Variants in TNFSF4 observed in about 807,000 individuals in gnomAD.
TNFSF4 encodes the protein TNF superfamily member 4.
In TNFSF4, 4 loss-of-function variants were observed where a neutral mutation model predicts 7.3. The observed-to-expected ratio is 0.55, with a 90% CI of 0.27 to 1.25. The LOEUF is 1.25. Ranked by LOEUF, TNFSF4 falls within the 50% of genes most tolerant of loss-of-function variation. TNFSF4 has a pLI of 0.12. For missense variants in TNFSF4, 181 were observed against 208.8 expected (o/e 0.87, Z 0.82); for synonymous variants, 76 against 83.7 (o/e 0.91, Z 0.50).
the TNFSF4 span, among the ~76,000 whole-genome samples, chr1:173,231,984 G>GT: frequency 6.6e-6 from 1 of 152,150 alleles, no homozygotes; most frequent in Non-Finnish European, 1.5e-5. Context: ...CTTTAAAGTA[G>GT]TTTTTTCCAA....
intron 1 of TNFSF4, chr1:173,205,511 C>T (rs1650148733): frequency 2.8e-6 from 4 of 1,403,512 alleles, no homozygotes; most frequent in Non-Finnish European, 1.9e-6. Flanking sequence ...TGCTCAGAGC[C>T]GTTGTGCAAT....
the TNFSF4 span, among the ~76,000 whole-genome samples, chr1:173,449,974 A>G: frequency 1.2e-4 from 18 of 152,188 alleles, no homozygotes; most frequent in African/African-American, 3.6e-4. Flanking sequence ...AACAATAGAG[A>G]AAATTAATGA....
At chr1:173,398,981 G>A in the TNFSF4 span, among the ~76,000 whole-genome samples, 59 of 152,056 alleles carry the variant, frequency 3.9e-4, no homozygotes, top group Non-Finnish European at 7.5e-4. Context: ...GAAAGCTCTC[G>A]GCCTCCTACT....
chr1:173,378,660 G>C, the TNFSF4 span, among the ~76,000 whole-genome samples: 2 of 152,122 alleles, frequency 1.3e-5, no homozygotes, highest in African/African-American at 4.8e-5. Context: ...AAAGCAAATG[G>C]AGTGAAATAG....
the TNFSF4 span, among the ~76,000 whole-genome samples, chr1:173,347,930 T>C: frequency 6.6e-6 from 1 of 152,198 alleles, no homozygotes; most frequent in African/African-American, 2.4e-5. Context: ...CTCCAGATAT[T>C]GCCAAATGTT....
the TNFSF4 span, among the ~76,000 whole-genome samples, chr1:173,252,756 A>G: frequency 6.6e-6 from 1 of 152,336 alleles, no homozygotes; most frequent in African/African-American, 2.4e-5. Context: ...CAGGAGTGAG[A>G]GCAAGAGAAA....
chr1:173,346,162 C>A, the TNFSF4 span, among the ~76,000 whole-genome samples: 1 of 152,132 alleles, frequency 6.6e-6, no homozygotes, highest in South Asian at 2.1e-4. Context: ...TTCGCTCATC[C>A]CCACCCTCAA....
At chr1:173,210,952 G>A (rs1028689766), upstream of TNFSF4, among the ~76,000 whole-genome samples, 1 of 152,186 alleles carries the variant, frequency 6.6e-6, no homozygotes, top group Non-Finnish European at 1.5e-5. Context: ...CCTGAACAAA[G>A]GGCTGTACTC....
At chr1:173,228,071 A>G in the TNFSF4 span, among the ~76,000 whole-genome samples, 1 of 152,030 alleles carries the variant, frequency 6.6e-6, no homozygotes. Flanking sequence ...CCCTGTTTGA[A>G]GAGGAGTAGT....
the TNFSF4 span, among the ~76,000 whole-genome samples, chr1:173,325,316 C>A: frequency 2.6e-5 from 4 of 152,034 alleles, no homozygotes; most frequent in East Asian, 1.9e-4. Flanking sequence ...TTGAAACCAA[C>A]GAGAACAAAG....
At chr1:173,225,079 A>G in the TNFSF4 span, among the ~76,000 whole-genome samples, 4 of 152,262 alleles carry the variant, frequency 2.6e-5, no homozygotes, top group African/African-American at 9.6e-5. Context: ...ACTTTAACCA[A>G]CTTTCAGAAC....
the TNFSF4 span, among the ~76,000 whole-genome samples, chr1:173,368,406 C>T: frequency 6.6e-6 from 1 of 152,126 alleles, no homozygotes; most frequent in Non-Finnish European, 1.5e-5. Context: ...TGGGCTCCTC[C>T]GGAATATTGC....
chr1:173,243,006 G>GT, the TNFSF4 span, among the ~76,000 whole-genome samples: 17 of 42,380 alleles, frequency 4.0e-4, 3 homozygotes, highest in South Asian at 1.8e-3. Flanking sequence ...TTGGTGGGTG[G>GT]GGGGGGGGGG....
At chr1:173,261,341 A>G in the TNFSF4 span, among the ~76,000 whole-genome samples, 1 of 152,220 alleles carries the variant, frequency 6.6e-6, no homozygotes, top group Admixed American at 6.5e-5. Flanking sequence ...TTAACAGGGA[A>G]ATTTATAGCA....
chr1:173,251,423 A>T, the TNFSF4 span, among the ~76,000 whole-genome samples: 1 of 152,338 alleles, frequency 6.6e-6, no homozygotes, highest in South Asian at 2.1e-4. Flanking sequence ...CTTGTTCATT[A>T]TTGAACCCCC....
At chr1:173,206,070 C>G (rs1370560594) in intron 1 of TNFSF4, among the ~76,000 whole-genome samples, 1 of 152,180 alleles carries the variant, frequency 6.6e-6, no homozygotes, top group Non-Finnish European at 1.5e-5. Context: ...GGTGCTTAAT[C>G]TCAGACAAGA....
the TNFSF4 span, among the ~76,000 whole-genome samples, chr1:173,412,929 G>A: frequency 6.6e-6 from 1 of 152,168 alleles, no homozygotes; most frequent in African/African-American, 2.4e-5. Context: ...AAAAAAGGGG[G>A]TGGGAATCGA....
chr1:173,322,855 G>C, the TNFSF4 span, among the ~76,000 whole-genome samples: 187 of 152,318 alleles, frequency 1.2e-3, 1 homozygote, highest in East Asian at 0.026. Context: ...GCCCACCATT[G>C]CTCAGGCTTG....
At chr1:173,447,043 A>G in the TNFSF4 span, among the ~76,000 whole-genome samples, 1 of 152,242 alleles carries the variant, frequency 6.6e-6, no homozygotes, top group African/African-American at 2.4e-5. Flanking sequence ...ACAATGGAAC[A>G]TTATTCAGTT....
Sources: allele counts gnomAD v4.1 joint callset (sites outside exome capture counted in the v4.1 genomes callset), GRCh38; gene constraint gnomAD v4.1.1; transcripts MANE v1.5; gene names NCBI Gene and HGNC (gene_info 2026-07-23, HGNC 2026-07-21).